Variants in CPA1 observed in about 807,000 individuals in gnomAD.
CPA1 encodes carboxypeptidase A1, also known as carboxypeptidase A1 (pancreatic).
CPA1 carries 42 observed loss-of-function variants against 48.7 expected under a neutral mutation model. The observed-to-expected ratio is 0.86, with a 90% CI of 0.67 to 1.11. The LOEUF is 1.11. Ranked by LOEUF, CPA1 falls within the 50% of genes most tolerant of loss-of-function variation. CPA1 has a pLI of 0.00. For synonymous variants in CPA1, 203 were observed against 217.9 expected, an observed-to-expected ratio of 0.93 and a Z score of 0.60; for missense variants, 477 against 544.7, an observed-to-expected ratio of 0.88 and a Z score of 1.24.
chr7:130,380,671 T>C (rs2117498540), intron 1 of CPA1, 86 bp downstream of exon 1: 1 of 776,404 alleles, frequency 1.3e-6, no homozygotes, highest in Admixed American at 3.1e-5. Context: ...GACAGACAGA[T>C]ACATGGCAAC....
intron 9 of CPA1, among the ~76,000 whole-genome samples, chr7:130,386,446 C>T (rs914670270): frequency 1.3e-5 from 2 of 151,930 alleles, no homozygotes; most frequent in East Asian, 1.9e-4. Flanking sequence ...GCACAAGAAT[C>T]GCTTGAACCC....
intron 6 of CPA1, chr7:130,384,200 G>T: frequency 2.2e-6 from 1 of 448,530 alleles, no homozygotes; most frequent in South Asian, 2.9e-5. Flanking sequence ...TCTGACCAAT[G>T]ACATGGGGCC....
intron 3 of CPA1, 119 bp downstream of exon 3, chr7:130,381,982 A>T (rs2117501002): frequency 6.7e-6 from 8 of 1,197,784 alleles, no homozygotes; most frequent in Non-Finnish European, 9.6e-6. Flanking sequence ...CTCTGTTTCC[A>T]TGTGGCCTGT....
At position 130,381,446 on chromosome 7, in the gene CPA1, A is replaced by G. The variant is rs553171094; in HGVS notation, c.148-184A>G. Among the ~76,000 whole-genome samples, 722 of 152,058 alleles carry G rather than the reference A, an allele frequency of 4.7e-3. 2 individuals are homozygous for G. The highest frequency in any genetic ancestry group is 0.017 in the African/African-American group (697 of 41,470). Reference sequence around the variant, plus strand: ...CTGCTCCTGGGCCATTTCCCTGACCACACTGGACTCTCCAGTCCCCAGGGT... The same window carrying G: ...CTGCTCCTGGGCCATTTCCCTGACCGCACTGGACTCTCCAGTCCCCAGGGT... On this transcript the variant is annotated intron_variant, in intron 2 of 9. Transcript: ENST00000011292.
At position 130,384,650 on chromosome 7, in the gene CPA1, G is replaced by A; in HGVS notation, c.787+24G>A. On this transcript the variant is annotated intron_variant, in intron 7 of 9. Coordinates refer to ENST00000011292, the MANE Select transcript of CPA1 (RefSeq NM_001868.4). ...GTGTAAGGCCCAGAGTGTCTTGGGA[G>A]CAAGGATGGGATGGCCTCGAATGGC... is the stretch of plus-strand genomic sequence containing the variant. 1.9e-6 allele frequency: 3 copies of A among 1,595,108 alleles called. No individual in the cohort carries two copies. The South Asian group carries it at 3.3e-5, about 18-fold the overall frequency.
In CPA1 at chr7:130,385,253, A is replaced by C. The variant is rs533352347; in HGVS notation, c.895A>C (p.Ile299Leu). The C allele has an allele frequency of 1.8e-5, 29 of 1,614,218 alleles. No homozygotes were observed. The highest frequency in any genetic ancestry group is 2.4e-5 in the Non-Finnish European group (28 of 1,180,034). Residue 299 changes from isoleucine (I) to leucine (L), a missense_variant, in exon 8 of 10, where the codon ATC becomes CTC. Physicochemically the swap from Ile to Leu is conservative, Grantham distance 5 (BLOSUM62 2). Coordinates refer to ENST00000011292, the MANE Select transcript of CPA1 (RefSeq NM_001868.4). The part of the protein sequence containing the change: ...IVDFVKDHGN[I>L]KAFISIHSYS... ...AGACTTTGTGAAGGACCATGGGAAC[A>C]TCAAGGCCTTCATCTCCATCCACAG...
chr7:130,383,834 C>A, intron 6 of CPA1, 40 bp downstream of exon 6: 1 of 1,414,762 alleles, frequency 7.1e-7, no homozygotes, highest in Non-Finnish European at 1.0e-6. Flanking sequence ...GCAGGATGGG[C>A]CTCTGGCTTC....
At chr7:130,386,921 G>A (rs1252617011) in intron 9 of CPA1, among the ~76,000 whole-genome samples, 1 of 152,244 alleles carries the variant, frequency 6.6e-6, no homozygotes, top group African/African-American at 2.4e-5. Flanking sequence ...CATTGACAGA[G>A]TGACATTTGG....
rs1399792874 is a variant in CPA1, at chr7:130,384,470, C to CCT, written c.697-65_697-64insTC. On this transcript the variant is annotated intron_variant, in intron 6 of 9. Coordinates refer to ENST00000011292, the MANE Select transcript of CPA1 (RefSeq NM_001868.4). ...TGCTCTCTGCAGCCTCTGAACCACCCCCCACCCAGCACTGTGACAAGCGTC... is the reference window on the plus strand; with the variant it reads ...TGCTCTCTGCAGCCTCTGAACCACCCCTCCCACCCAGCACTGTGACAAGCGTC... 3 of 1,442,640 alleles carry CCT rather than the reference C, an allele frequency of 2.1e-6. No individual in the cohort carries two copies. The Admixed American group carries it at 5.0e-5, about 24-fold the overall frequency. 89.4% of individuals were successfully genotyped at this position (1,442,640 alleles called of 1,614,324 possible).
chr7:130,385,330 T>C lies in CPA1; in HGVS notation c.972T>C (p.Pro324=). ...YPYGYKTEPV[P]DQDELDQLSK... is the part of the protein sequence containing the mutation. ...ATGGCTACAAAACAGAACCAGTCCC[T>C]GACCAGGATGAGCTGGTAGGCACTG... The change falls in exon 8 of 10, where the codon CCT becomes CCC. Residue 324 remains proline, a synonymous_variant. Coordinates refer to ENST00000011292, the MANE Select transcript of CPA1 (RefSeq NM_001868.4). 1 of 1,614,190 alleles carries C rather than the reference T, an allele frequency of 6.2e-7. No individual in the cohort carries two copies. The highest frequency in any genetic ancestry group is 8.5e-7 in the Non-Finnish European group (1 of 1,180,034).
intron 4 of CPA1, 72 bp downstream of exon 4, chr7:130,382,281 T>TC: frequency 8.4e-7 from 1 of 1,185,778 alleles, no homozygotes; most frequent in Non-Finnish European, 1.2e-6. Flanking sequence ...GCGTGGGCTC[T>TC]CCCGGGGAAA....
chr7:130,386,379 A>C (rs1796474528), intron 9 of CPA1, among the ~76,000 whole-genome samples: 1 of 151,960 alleles, frequency 6.6e-6, no homozygotes, highest in South Asian at 2.1e-4. Flanking sequence ...AAAAATACAA[A>C]AAATTAGCTG....
At position 130,381,647 on chromosome 7, in the gene CPA1, G is replaced by T. The variant is rs1126899; in HGVS notation, c.165G>T (p.Gly55=). 1.9e-6 allele frequency: 3 copies of T among 1,613,318 alleles called. No individual in the cohort carries two copies. The highest frequency in any genetic ancestry group is 2.5e-6 in the Non-Finnish European group (3 of 1,179,814). ...CTCCCCAGCTGGACTTCTGGCGGGGGCCTGCCCACCCTGGCTCCCCCATCG... is the reference window on the plus strand; with the variant it reads ...CTCCCCAGCTGGACTTCTGGCGGGGTCCTGCCCACCCTGGCTCCCCCATCG... ...LEHLQLDFWR[G]PAHPGSPIDV... The change falls in exon 3 of 10, where the codon GGG becomes GGT. Residue 55 remains glycine, a synonymous_variant. Coordinates refer to ENST00000011292, the MANE Select transcript of CPA1 (RefSeq NM_001868.4).
At position 130,387,557 on chromosome 7, in the gene CPA1, C is replaced by T. The variant is rs543024432; in HGVS notation, c.1073-267C>T. Among the ~76,000 whole-genome samples, 305 of 152,306 alleles carry T rather than the reference C, an allele frequency of 2.0e-3. 1 individual carries two copies. Among genetic ancestry groups the T allele is most frequent in the African/African-American group, 6.7e-3 (277 of 41,578 alleles). ...TGGACAGAGGCTGTTTTCAGAGGGGCTTGTGCAATTGCAGAGACTTCCTTG... is the reference window on the plus strand; with the variant it reads ...TGGACAGAGGCTGTTTTCAGAGGGGTTTGTGCAATTGCAGAGACTTCCTTG... On this transcript the variant is annotated intron_variant, in intron 9 of 9. Transcript: ENST00000011292. This position sits in a 1 kb window ranked among gnomAD's most constrained non-coding sequence, Gnocchi z 4.6.
intron 8 of CPA1, 46 bp downstream of exon 8, chr7:130,385,391 G>A (rs911636254): frequency 1.1e-5 from 18 of 1,571,522 alleles, no homozygotes; most frequent in South Asian, 2.2e-5. Context: ...AGGTGGCTTC[G>A]GACAGGCCCA....
intron 6 of CPA1, 115 bp downstream of exon 6, chr7:130,383,909 C>G (rs1562967751): frequency 1.3e-6 from 1 of 797,396 alleles, no homozygotes; most frequent in South Asian, 1.4e-5. Context: ...GCAATCAGAC[C>G]TGTGCTCCTA....
At position 130,383,765 on chromosome 7, in the gene CPA1, C is replaced by G. The variant is rs1226357328; in HGVS notation, c.667C>G (p.Pro223Ala). Reference protein sequence around the residue: ...LDIFLEIVTNPDGFAFTHSTN... With the variant: ...LDIFLEIVTNADGFAFTHSTN... ...CATCTTCCTGGAGATCGTCACCAAC[C>G]CTGATGGCTTTGCCTTCACGCACAG... Residue 223 changes from proline (P) to alanine (A), a missense_variant, in exon 6 of 10, where the codon CCT becomes GCT. Coordinates refer to ENST00000011292, the MANE Select transcript of CPA1 (RefSeq NM_001868.4). 6.2e-7 allele frequency: 1 copy of G among 1,614,084 alleles called. No homozygotes were observed. Among genetic ancestry groups the G allele is most frequent in the South Asian group, 1.1e-5 (1 of 91,086 alleles).
At chr7:130,386,051 G>C (rs1796470939) in intron 9 of CPA1, 128 bp downstream of exon 9, 1 of 739,206 alleles carries the variant, frequency 1.4e-6, no homozygotes, top group Admixed American at 2.4e-5. Flanking sequence ...GCTGGCAAGG[G>C]CTATTCTGAG....
At position 130,387,896 on chromosome 7, in the gene CPA1, G is replaced by C; in HGVS notation, c.1145G>C (p.Arg382Pro). ...AAGTACTCCTTCACCTTCGAGCTCC[G>C]GGACACTGGGCGCTATGGCTTCCTG... ...GIKYSFTFEL[R>P]DTGRYGFLLP... The change falls in exon 10 of 10, where the codon CGG becomes CCG. Residue 382 changes from arginine (R) to proline (P), a missense_variant. Transcript: ENST00000011292. This position sits in a 1 kb window ranked among gnomAD's most constrained non-coding sequence, Gnocchi z 4.6. 1.2e-6 allele frequency: 2 copies of C among 1,614,082 alleles called. No individual in the cohort carries two copies. Among genetic ancestry groups the C allele is most frequent in the Non-Finnish European group, 8.5e-7 (1 of 1,180,018 alleles).
Sources: gnomAD v4.1 joint callset for allele counts (sites outside exome capture counted in the v4.1 genomes callset) on GRCh38, gnomAD v4.1.1 for gene constraint, Gnocchi (gnomAD v3.1) non-coding constraint, MANE v1.5 for transcripts, NCBI Gene and HGNC (gene_info 2026-07-23, HGNC 2026-07-21) for gene names.